The following PSD2 variants were observed in gnomAD, a reference collection of about 807,000 sequenced individuals.
The protein encoded by PSD2 is PH and SEC7 domain-containing protein 2.
Under a neutral mutation model 69.8 loss-of-function variants are expected in PSD2, and 38 were observed. The observed-to-expected ratio is 0.54, with a 90% CI of 0.42 to 0.71. PSD2 has a LOEUF of 0.71. Ranked by LOEUF, PSD2 falls within the 30% of genes least tolerant of loss-of-function variation. The pLI is 0.00. For synonymous variants in PSD2, 412 were observed against 423.0 expected (o/e 0.97, Z 0.32); for missense variants, 943 against 1,014.5 (o/e 0.93, Z 0.96).
chr5:139,794,933 G>C (rs1307285147), upstream of PSD2, among the ~76,000 whole-genome samples: 1 of 152,188 alleles, frequency 6.6e-6, no homozygotes, highest in African/African-American at 2.4e-5. Flanking sequence ...AGAGTCCTGG[G>C]CTGAGGGGGG....
intron 1 of PSD2, 35 bp downstream of exon 1, chr5:139,796,010 T>TC (rs1759515645): frequency 6.7e-6 from 1 of 150,320 alleles, no homozygotes; most frequent in Non-Finnish European, 1.5e-5. Context: ...GACCCGCCCC[T>TC]CCCCGCTGGC....
intron 8 of PSD2, among the ~76,000 whole-genome samples, chr5:139,834,846 C>A (rs926972292): frequency 2.6e-5 from 4 of 152,008 alleles, no homozygotes; most frequent in Non-Finnish European, 4.4e-5. Context: ...ACCTATCTAA[C>A]CACTTCTGCA....
At chr5:139,766,732 A>G in the PSD2 span, among the ~76,000 whole-genome samples, 1 of 152,230 alleles carries the variant, frequency 6.6e-6, no homozygotes, top group African/African-American at 2.4e-5. Flanking sequence ...CAGCAGGTTA[A>G]GAATTGCTCT....
chr5:139,842,261 CT>C lies in PSD2; in HGVS notation c.2113-7del. 1.2e-6 allele frequency: 2 copies of C among 1,612,306 alleles called. No individual in the cohort carries two copies. The highest frequency in any genetic ancestry group is 2.2e-5 in the East Asian group (1 of 44,848). The stretch of plus-strand genomic sequence containing the variant: ...GTTGTCTTTTGACCTTGTGTTTGGC[CT>C]TTCCCCAGAAAAGCCGTTATGAGAC... On this transcript the variant is annotated splice_polypyrimidine_tract_variant and intron_variant, in intron 14 of 14. Coordinates refer to ENST00000274710, the MANE Select transcript of PSD2 (RefSeq NM_032289.4).
At chr5:139,792,859 TTTCC>T (rs141834556), upstream of PSD2, among the ~76,000 whole-genome samples, 19,844 of 107,690 alleles carry the variant, frequency 0.18, 1,833 homozygotes, top group East Asian at 0.35. Context: ...TCTTTCTGTC[TTTCC>T]TTCCTTCCTT....
the PSD2 span, among the ~76,000 whole-genome samples, chr5:139,759,356 A>G: frequency 2.0e-5 from 3 of 151,376 alleles, no homozygotes; most frequent in Non-Finnish European, 2.9e-5. Flanking sequence ...TTTCCCCCAC[A>G]TTCTCCCTGC....
At chr5:139,757,790 C>CA in the PSD2 span, among the ~76,000 whole-genome samples, 1 of 152,188 alleles carries the variant, frequency 6.6e-6, no homozygotes, top group Admixed American at 6.5e-5. Context: ...CTCTCCCCAG[C>CA]ATACCCTAGT....
Position 139,813,746 on chromosome 5 carries a change from T to C in PSD2, c.809T>C (p.Leu270Pro), listed in dbSNP as rs373798581. 4.4e-6 allele frequency: 7 copies of C among 1,603,312 alleles called. No individual in the cohort carries two copies. In the African/African-American group the frequency reaches 6.7e-5, roughly 15 times the overall value. The change falls in exon 3 of 15, where the codon CTG (leucine) becomes CCG (proline). Residue 270 changes from leucine (L) to proline (P), a missense_variant. Coordinates refer to ENST00000274710, the MANE Select transcript of PSD2 (RefSeq NM_032289.4). ...DDDEEDTDKLLNSASDPSLKD... is the reference protein window; with the variant it reads ...DDDEEDTDKLPNSASDPSLKD... ...GATGAGGAGGACACGGACAAGTTGC[T>C]GAACTCAGCCAGGTGAGGCAGGGCC...
Position 139,811,634 on chromosome 5 carries a change from A to G in PSD2, c.372-1675A>G, listed in dbSNP as rs188949017. On this transcript the variant is annotated intron_variant, in intron 2 of 14. Coordinates refer to ENST00000274710, the MANE Select transcript of PSD2 (RefSeq NM_032289.4). Reference sequence around the variant, plus strand: ...ATTTGAGACGGAGTCTTACTCTGTTACCCAGGCTGGAGTGCTGTGGCACAA... The same window carrying G: ...ATTTGAGACGGAGTCTTACTCTGTTGCCCAGGCTGGAGTGCTGTGGCACAA... Among the ~76,000 whole-genome samples, 650 of 151,380 alleles carry G rather than the reference A, an allele frequency of 4.3e-3. 5 individuals carry two copies. The highest frequency in any genetic ancestry group is 6.8e-3 in the Middle Eastern group (2 of 294).
chr5:139,838,694 G>A lies in PSD2; in HGVS notation c.1890G>A (p.Pro630=), dbSNP rs770896829. ...INLVAAIFSA[P]AFPAAVSSMK... is the part of the protein sequence containing the mutation. ...TGGTGGCAGCCATCTTCTCTGCCCCGGCCTTCCCAGCCGCTGTCAGCTCCA... is the reference window on the plus strand; with the variant it reads ...TGGTGGCAGCCATCTTCTCTGCCCCAGCCTTCCCAGCCGCTGTCAGCTCCA... Residue 630 remains proline, a synonymous_variant, in exon 13 of 15, where the codon CCG becomes CCA. Coordinates refer to ENST00000274710, the MANE Select transcript of PSD2 (RefSeq NM_032289.4). 2.0e-5 allele frequency: 32 copies of A among 1,613,842 alleles called. No homozygotes were observed. In the East Asian group the frequency reaches 3.6e-4, roughly 18 times the overall value.
At chr5:139,826,298 G>A (rs1488322706) in intron 7 of PSD2, among the ~76,000 whole-genome samples, 2 of 152,182 alleles carry the variant, frequency 1.3e-5, no homozygotes, top group African/African-American at 2.4e-5. Flanking sequence ...AGGAGCCAGC[G>A]GTCAAGTCTG....
chr5:139,761,328 C>T, the PSD2 span, among the ~76,000 whole-genome samples: 1 of 152,176 alleles, frequency 6.6e-6, no homozygotes, highest in South Asian at 2.1e-4. Flanking sequence ...TGAACTCAGC[C>T]TTCTCCTCCA....
At chr5:139,788,802 G>A in the PSD2 span, among the ~76,000 whole-genome samples, 4 of 152,204 alleles carry the variant, frequency 2.6e-5, no homozygotes, top group Non-Finnish European at 5.9e-5. Context: ...CATGCTGGCC[G>A]GGCCTCGTCG....
At position 139,822,021 on chromosome 5, in the gene PSD2, C is replaced by T. The variant is rs776228619; in HGVS notation, c.1210+16C>T. ...ACTTCGGAAGGTATGGCCCCTTGCCCACTCTGCCTGACCCTCCCCACCCAC... is the reference window on the plus strand; with the variant it reads ...ACTTCGGAAGGTATGGCCCCTTGCCTACTCTGCCTGACCCTCCCCACCCAC... On this transcript the variant is annotated intron_variant, in intron 6 of 14. Transcript: ENST00000274710. 6 of 1,540,418 alleles carry T rather than the reference C, an allele frequency of 3.9e-6. No homozygotes were observed. The highest frequency in any genetic ancestry group is 2.0e-4 in the Middle Eastern group (1 of 5,104).
the PSD2 span, among the ~76,000 whole-genome samples, chr5:139,746,865 C>T: frequency 6.6e-6 from 1 of 152,184 alleles, no homozygotes; most frequent in African/African-American, 2.4e-5. The surrounding 1 kb of genome is among the most constrained non-coding windows in gnomAD (Gnocchi z 4.5). Context: ...CGCTCTGGCT[C>T]CCAGCCCTGG....
chr5:139,759,633 C>T, the PSD2 span, among the ~76,000 whole-genome samples: 2 of 152,338 alleles, frequency 1.3e-5, no homozygotes, highest in East Asian at 3.9e-4. Context: ...TAATCACGGG[C>T]CGTGGCGGGC....
intron 6 of PSD2, 147 bp from the exon 7 acceptor site, chr5:139,822,579 C>T (rs1408203660): frequency 6.8e-6 from 4 of 587,926 alleles, no homozygotes; most frequent in Middle Eastern, 3.9e-4. Flanking sequence ...AGACCTGGAG[C>T]GTCACACAGG....
chr5:139,797,096 T>C (rs2126920104), intron 1 of PSD2, among the ~76,000 whole-genome samples: 2 of 152,314 alleles, frequency 1.3e-5, no homozygotes, highest in South Asian at 4.1e-4. Flanking sequence ...GCAGTCGTTC[T>C]TTCATTCTTC....
chr5:139,786,561 C>T, the PSD2 span, among the ~76,000 whole-genome samples: 1 of 152,164 alleles, frequency 6.6e-6, no homozygotes. Flanking sequence ...GGACAAATCC[C>T]CACCCACCAT....
Sources: gnomAD v4.1 joint callset for allele counts (sites outside exome capture counted in the v4.1 genomes callset) on GRCh38, gnomAD v4.1.1 for gene constraint, Gnocchi (gnomAD v3.1) non-coding constraint, MANE v1.5 for transcripts, NCBI Gene and HGNC (gene_info 2026-07-23, HGNC 2026-07-21) for gene names.